The following ZKSCAN3 variants were observed in gnomAD, a reference collection of about 807,000 sequenced individuals.
ZKSCAN3 encodes zinc finger protein with KRAB and SCAN domains 3.
In ZKSCAN3, 21 loss-of-function variants were observed where a neutral mutation model predicts 30.7. The ratio of observed to expected loss-of-function variants is 0.68; its 90% CI spans 0.49 to 0.99. The LOEUF (loss-of-function observed/expected upper bound fraction) is 0.99, where lower values mean the gene tolerates loss of function less well. Among genes scored for constraint, ZKSCAN3 ranks in the 50% least tolerant of loss-of-function variants. The pLI, the probability that ZKSCAN3 is intolerant of heterozygous loss-of-function variation, is 0.00. For synonymous variants in ZKSCAN3, 201 were observed against 246.7 expected (o/e 0.81, Z 1.73); for missense variants, 507 against 647.1 (o/e 0.78, Z 2.35).
In ZKSCAN3 at chr6:28,363,313, C is replaced by T; in HGVS notation, c.561C>T (p.Val187=). The T allele has an allele frequency of 6.2e-7, 1 of 1,613,980 alleles. No homozygotes were observed. The highest frequency in any genetic ancestry group is 8.5e-7 in the Non-Finnish European group (1 of 1,179,930). The change falls in exon 4 of 6, where the codon GTC becomes GTT. Residue 187 remains valine (V), a synonymous_variant. Transcript: ENST00000252211. ...TTCTTTCCTTCTTAGTTCTCCAGGT[C>T]CCCGTGCTTGCCCATGGAGGATGCT... is the stretch of plus-strand genomic sequence containing the variant. ...SQPLQDRVLQ[V]PVLAHGGCCR... is the part of the protein sequence containing the mutation.
At chr6:28,360,155 T>A (rs79466895) in intron 2 of ZKSCAN3, 167 bp downstream of exon 2, 2 of 893,316 alleles carry the variant, frequency 2.2e-6, no homozygotes, top group East Asian at 3.8e-5. Flanking sequence ...CTCAGAATAA[T>A]TTTTTTTTTA....
At chr6:28,363,845 A>C in intron 5 of ZKSCAN3, 30 bp downstream of exon 5, 2 of 1,609,476 alleles carry the variant, frequency 1.2e-6, no homozygotes, top group Non-Finnish European at 1.7e-6. Context: ...ATTTCTGTTA[A>C]GGTTTCTTGG....
intron 1 of ZKSCAN3, chr6:28,350,456 C>G (rs1271969155): frequency 6.6e-6 from 1 of 152,162 alleles, no homozygotes; most frequent in Non-Finnish European, 1.5e-5. Context: ...AGTCAGATTA[C>G]CTGGTTCAAA....
At chr6:28,355,663 C>A (rs1036196017) in intron 1 of ZKSCAN3, 2 of 152,238 alleles carry the variant, frequency 1.3e-5, no homozygotes, top group Non-Finnish European at 2.9e-5. Flanking sequence ...GGCTGCGTTG[C>A]TGCTTCTAAA....
rs200196282 is a variant in ZKSCAN3, at chr6:28,361,420, A to C, written c.499A>C (p.Lys167Gln). 8.9e-5 allele frequency: 143 copies of C among 1,614,052 alleles called. 1 individual carries two copies. The East Asian group carries it at 2.9e-3, about 33-fold the overall frequency. ...ACAAAGTAGCCAATTTCAGCTAATGAAGGCTCTGCTCAAGCATGAATCTGT... is the reference window on the plus strand; with the variant it reads ...ACAAAGTAGCCAATTTCAGCTAATGCAGGCTCTGCTCAAGCATGAATCTGT... Reference protein sequence around the residue: ...GSQSSQFQLMKALLKHESVGS... With the variant: ...GSQSSQFQLMQALLKHESVGS... Residue 167 changes from lysine to glutamine, a missense_variant, in exon 3 of 6, where the codon AAG (lysine) becomes CAG (glutamine). Physicochemically the swap from Lys to Gln is moderately conservative, Grantham distance 53. Coordinates refer to ENST00000252211, the MANE Select transcript of ZKSCAN3 (RefSeq NM_024493.4).
rs779909987 is a variant in ZKSCAN3, at chr6:28,365,646, C to G, written c.978C>G (p.Ser326Arg). ...AATGTGGAAAGAGTTTTGCTCAAAGCTCAGGCCTGAGTAAACACAGGAGAA... is the reference window on the plus strand; with the variant it reads ...AATGTGGAAAGAGTTTTGCTCAAAGGTCAGGCCTGAGTAAACACAGGAGAA... ...CHECGKSFAQSSGLSKHRRIH... is the reference protein window; with the variant it reads ...CHECGKSFAQRSGLSKHRRIH... The change falls in exon 6 of 6, where the codon AGC becomes AGG. Residue 326 changes from serine to arginine, a missense_variant. Transcript: ENST00000252211. The G allele has an allele frequency of 6.2e-7, 1 of 1,614,266 alleles. No individual in the cohort carries two copies. Among genetic ancestry groups the G allele is most frequent in the Non-Finnish European group, 8.5e-7 (1 of 1,180,052 alleles).
chr6:28,360,649 C>T, intron 2 of ZKSCAN3: 1 of 985,412 alleles, frequency 1.0e-6, no homozygotes, highest in Non-Finnish European at 1.2e-6. Flanking sequence ...CACACACCCT[C>T]AGAGGACCTG....
chr6:28,349,938 G>A (rs897453288), upstream of ZKSCAN3: 1 of 152,228 alleles, frequency 6.6e-6, no homozygotes, highest in African/African-American at 2.4e-5. The surrounding 1 kb of genome is among the most constrained non-coding windows in gnomAD (Gnocchi z 4.1). Context: ...CCCGCCCTGC[G>A]GGTGGTTTGC....
chr6:28,363,502 A>G (rs1765844192), intron 4 of ZKSCAN3, 117 bp downstream of exon 4: 17 of 1,270,368 alleles, frequency 1.3e-5, no homozygotes, highest in South Asian at 7.0e-5. Context: ...ACAGATCTCA[A>G]ATGGGATCTG....
intron 2 of ZKSCAN3, chr6:28,360,754 AG>A (rs1765722840): frequency 1.0e-6 from 1 of 985,304 alleles, no homozygotes; most frequent in Admixed American, 6.2e-5. Context: ...AGTCAGTGCG[AG>A]TCTCTTAGCT....
chr6:28,350,414 T>G (rs759618796), intron 1 of ZKSCAN3: 3 of 152,192 alleles, frequency 2.0e-5, no homozygotes, highest in Non-Finnish European at 4.4e-5. Flanking sequence ...TTTAAATTAT[T>G]CTGTGGTACT....
At chr6:28,363,194 C>A in intron 3 of ZKSCAN3, 109 bp from the exon 4 acceptor site, 1 of 968,172 alleles carries the variant, frequency 1.0e-6, no homozygotes, top group Non-Finnish European at 1.6e-6. Context: ...CTCCTGGGCT[C>A]AATCAAGTGA....
intron 2 of ZKSCAN3, chr6:28,360,696 A>G: frequency 2.0e-6 from 2 of 985,452 alleles, no homozygotes; most frequent in South Asian, 4.7e-5. Flanking sequence ...GCTGGATACC[A>G]GGGTTCTTGA....
intron 1 of ZKSCAN3, chr6:28,356,239 G>C (rs1046869382): frequency 6.6e-6 from 1 of 152,276 alleles, no homozygotes; most frequent in African/African-American, 2.4e-5. Context: ...CTTTGAGCTG[G>C]AACGCTCCGG....
intron 3 of ZKSCAN3, 36 bp from the exon 4 acceptor site, chr6:28,363,267 A>G (rs1302823220): frequency 1.3e-6 from 2 of 1,585,228 alleles, no homozygotes; most frequent in Non-Finnish European, 1.7e-6. Context: ...GCTGAATGCC[A>G]GGGTACATCT....
intron 1 of ZKSCAN3, among the ~76,000 whole-genome samples, chr6:28,357,459 G>A (rs1765505336): frequency 6.6e-6 from 1 of 152,218 alleles, no homozygotes; most frequent in Non-Finnish European, 1.5e-5. Flanking sequence ...AACCAGGAAG[G>A]AGGAAAGCAG....
chr6:28,362,045 C>T (rs1223518811), intron 3 of ZKSCAN3, among the ~76,000 whole-genome samples: 6 of 152,216 alleles, frequency 3.9e-5, no homozygotes, highest in Non-Finnish European at 5.9e-5. Flanking sequence ...AAGTGATCCT[C>T]CTGCCTGGGC....
chr6:28,354,463 A>G (rs1451432955), intron 1 of ZKSCAN3, among the ~76,000 whole-genome samples: 1 of 152,130 alleles, frequency 6.6e-6, no homozygotes, highest in African/African-American at 2.4e-5. Flanking sequence ...GGTTTGGCAC[A>G]CAGGCCTGAC....
intron 4 of ZKSCAN3, 39 bp from the exon 5 acceptor site, chr6:28,363,653 G>T (rs1323916011): frequency 6.2e-7 from 1 of 1,612,982 alleles, no homozygotes; most frequent in African/African-American, 1.3e-5. Flanking sequence ...CCACCATTTT[G>T]GTCAGCCCCT....
Sources: gnomAD v4.1 joint callset for allele counts (sites outside exome capture counted in the v4.1 genomes callset) on GRCh38, gnomAD v4.1.1 for gene constraint, Gnocchi (gnomAD v3.1) non-coding constraint, MANE v1.5 for transcripts, NCBI Gene and HGNC (gene_info 2026-07-23, HGNC 2026-07-21) for gene names.